The following RMC1 variants were observed in gnomAD, a reference collection of about 807,000 sequenced individuals.
RMC1 encodes regulator of MON1-CCZ1, also known as regulator of MON1-CCZ1 complex.
RMC1 carries 44 observed loss-of-function variants against 95.5 expected under a neutral mutation model. The ratio of observed to expected loss-of-function variants is 0.46; its 90% CI spans 0.36 to 0.59. The LOEUF is 0.59. Ranked by LOEUF, RMC1 falls within the 20% of genes least tolerant of loss-of-function variation. RMC1 has a pLI of 0.00. For synonymous variants in RMC1, 320 were observed against 303.6 expected (o/e 1.05, Z -0.56); for missense variants, 705 against 819.6 (o/e 0.86, Z 1.71).
At position 23,531,660 on chromosome 18, in the gene RMC1, C is replaced by CAGATTTTT; in HGVS notation, c.1931_1938dup (p.Gly647ArgfsTer8). 6.2e-7 allele frequency: 1 copy of CAGATTTTT among 1,613,054 alleles called. No individual in the cohort carries two copies. The highest frequency in any genetic ancestry group is 8.5e-7 in the Non-Finnish European group (1 of 1,179,804). The stretch of plus-strand genomic sequence containing the variant: ...TGAAGAACATGTTGCTTTTTTCAAA[C>CAGATTTTT]AGATTTTTGGAGACCAAGCTCTAAT... On this transcript the variant is annotated frameshift_variant, in exon 20 of 20. Transcript: ENST00000269221. LOFTEE classifies it high-confidence loss of function.
intron 12 of RMC1, 130 bp downstream of exon 12, chr18:23,524,612 T>C: frequency 1.9e-6 from 1 of 524,892 alleles, no homozygotes; most frequent in Non-Finnish European, 3.0e-6. Flanking sequence ...GGGAATGGGA[T>C]TTTTTTTTTT....
At chr18:23,511,953 T>C (rs1446235292) in intron 5 of RMC1, among the ~76,000 whole-genome samples, 2 of 152,064 alleles carry the variant, frequency 1.3e-5, no homozygotes, top group African/African-American at 4.8e-5. Flanking sequence ...CTGCTTTTCA[T>C]ACCTTTAGGA....
At position 23,531,816 on chromosome 18, in the gene RMC1, C is replaced by A. The variant is rs2058519987; in HGVS notation, c.*112C>A. 8 of 1,503,004 alleles carry A rather than the reference C, an allele frequency of 5.3e-6. No homozygotes were observed. The Admixed American group carries it at 1.2e-4, about 22-fold the overall frequency. 93.1% of individuals were successfully genotyped at this position (1,503,004 alleles called of 1,614,324 possible). On this transcript the variant is annotated 3_prime_UTR_variant, in exon 20 of 20. Coordinates refer to ENST00000269221, the MANE Select transcript of RMC1 (RefSeq NM_013326.5). ...AGTGTATCTACAACCTCAACTGTCA[C>A]TAAAAATATGGTATAGAACTTGTGG...
intron 19 of RMC1, among the ~76,000 whole-genome samples, chr18:23,531,178 A>G (rs184214053): frequency 6.6e-6 from 1 of 151,850 alleles, no homozygotes; most frequent in African/African-American, 2.4e-5. Context: ...TTTAGTAGAG[A>G]TGGGGTTTTA....
At chr18:23,505,774 G>A (rs1444503124) in intron 2 of RMC1, among the ~76,000 whole-genome samples, 2 of 152,336 alleles carry the variant, frequency 1.3e-5, no homozygotes, top group African/African-American at 4.8e-5. Flanking sequence ...GTAAGACCCG[G>A]GGGTCGGTTG....
At chr18:23,521,690 TCTCTC>T (rs1469434317) in intron 10 of RMC1, among the ~76,000 whole-genome samples, 5 of 70,928 alleles carry the variant, frequency 7.0e-5, no homozygotes, top group East Asian at 1.9e-3. Flanking sequence ...ACACACACTC[TCTCTC>T]TTTTTTTTTT....
intron 6 of RMC1, 95 bp downstream of exon 6, chr18:23,516,091 C>G: frequency 6.4e-7 from 1 of 1,564,196 alleles, no homozygotes; most frequent in Non-Finnish European, 8.7e-7. Context: ...GGACAGGTTC[C>G]TCTAGCCGTA....
chr18:23,512,905 C>A (rs2057900886), intron 5 of RMC1, among the ~76,000 whole-genome samples: 2 of 152,090 alleles, frequency 1.3e-5, no homozygotes, highest in African/African-American at 2.4e-5. Context: ...TCCCCTTATC[C>A]CTTCCCTGCA....
chr18:23,527,839 G>A lies in RMC1; in HGVS notation c.1234G>A (p.Val412Ile). The A allele has an allele frequency of 6.2e-7, 1 of 1,614,084 alleles. No individual in the cohort carries two copies. The highest frequency in any genetic ancestry group is 1.3e-5 in the African/African-American group (1 of 75,032). Reference sequence around the variant, plus strand: ...AGCATCGCTGCCCGTGATAGCCACTGTTTTTGATAAACTCAACCATGAGTA... The same window carrying A: ...AGCATCGCTGCCCGTGATAGCCACTATTTTTGATAAACTCAACCATGAGTA... ...DRASLPVIATVFDKLNHEYKK... is the reference protein window; with the variant it reads ...DRASLPVIATIFDKLNHEYKK... The change falls in exon 14 of 20, where the codon GTT becomes ATT. Residue 412 changes from valine (V) to isoleucine (I), a missense_variant. Val to Ile is a conservative substitution (Grantham distance 29). Transcript: ENST00000269221.
chr18:23,508,289 C>T (rs1317629620), intron 4 of RMC1, among the ~76,000 whole-genome samples: 1 of 152,188 alleles, frequency 6.6e-6, no homozygotes, highest in Non-Finnish European at 1.5e-5. Context: ...CCCAGTAGTG[C>T]TAGCCCTTGG....
intron 5 of RMC1, among the ~76,000 whole-genome samples, chr18:23,512,090 G>A (rs1296243778): frequency 1.3e-5 from 2 of 148,672 alleles, no homozygotes; most frequent in African/African-American, 5.0e-5. Flanking sequence ...GTGCGATCTC[G>A]GCTCACGGCA....
At chr18:23,529,979 TA>T in intron 16 of RMC1, 48 bp from the exon 17 acceptor site, 2 of 1,507,198 alleles carry the variant, frequency 1.3e-6, no homozygotes, top group Non-Finnish European at 9.2e-7. Context: ...TAGTCTGTTG[TA>T]GCTGAATGAT....
At chr18:23,531,512 G>GTAT in intron 19 of RMC1, 113 bp from the exon 20 acceptor site, 1 of 1,501,914 alleles carries the variant, frequency 6.7e-7, no homozygotes. Flanking sequence ...GGAAAACAAT[G>GTAT]TATTTTATTA....
chr18:23,509,929 A>G (rs2057806721), intron 5 of RMC1, among the ~76,000 whole-genome samples: 1 of 151,186 alleles, frequency 6.6e-6, no homozygotes, highest in African/African-American at 2.4e-5. Context: ...TCAAACTCCT[A>G]ACCTCAACTC....
chr18:23,527,974 T>C (rs947677216), intron 14 of RMC1, 73 bp downstream of exon 14: 4 of 1,247,094 alleles, frequency 3.2e-6, no homozygotes, highest in Admixed American at 2.5e-5. Flanking sequence ...GTAATTATGA[T>C]GCAAAATTGT....
chr18:23,509,480 C>T (rs2057791933), intron 5 of RMC1: 2 of 265,560 alleles, frequency 7.5e-6, no homozygotes. Flanking sequence ...AGCAATCCTC[C>T]TGCCTCAGTC....
chr18:23,529,377 T>A, intron 15 of RMC1, 79 bp downstream of exon 15: 1 of 1,527,736 alleles, frequency 6.5e-7, no homozygotes, highest in South Asian at 1.3e-5. Flanking sequence ...AGACTTCATG[T>A]GATTAGAGTC....
intron 5 of RMC1, among the ~76,000 whole-genome samples, chr18:23,515,522 G>T (rs907615668): frequency 4.6e-5 from 7 of 152,130 alleles, no homozygotes; most frequent in African/African-American, 1.7e-4. Flanking sequence ...CTGACAGTTT[G>T]CTGTTATTGA....
chr18:23,525,435 A>T (rs140458201), intron 12 of RMC1, among the ~76,000 whole-genome samples: 2,382 of 151,262 alleles, frequency 0.016, 26 homozygotes, highest in South Asian at 0.034. Flanking sequence ...TAATAATAAT[A>T]ATTATTTTGA....
Sources: gnomAD v4.1 joint callset for allele counts (sites outside exome capture counted in the v4.1 genomes callset) on GRCh38, gnomAD v4.1.1 for gene constraint, MANE v1.5 for transcripts, NCBI Gene and HGNC (gene_info 2026-07-23, HGNC 2026-07-21) for gene names.